Variants in CORT observed in about 807,000 individuals in gnomAD.
CORT encodes cortistatin-14.
Under a neutral mutation model 4.4 loss-of-function variants are expected in CORT, and 2 were observed. The ratio of observed to expected loss-of-function variants is 0.46; its 90% confidence interval spans 0.19 to 1.44. The LOEUF is 1.44. CORT is among the 40% of genes most tolerant of loss of function. The probability of loss-of-function intolerance (pLI) is 0.26; values close to 1 mark genes in which losing one functional copy is unlikely to be tolerated. For synonymous variants in CORT, 72 were observed against 62.0 expected (o/e 1.16, Z -0.75); for missense variants, 158 against 140.2 (o/e 1.13, Z -0.64).
In CORT at chr1:10,450,186, G is replaced by T; in HGVS notation, c.-38G>T. The T allele has an allele frequency of 6.2e-7, 1 of 1,611,316 alleles. No individual in the cohort carries two copies. Among genetic ancestry groups the T allele is most frequent in the Non-Finnish European group, 8.5e-7 (1 of 1,178,844 alleles). ...TCAGGGCTGCCAGGAAGGAAGAGCA[G>T]CAGCAGGGTGGGAGAGAAGCTCCAG... On this transcript the variant is annotated 5_prime_UTR_variant, in exon 1 of 2. Coordinates refer to ENST00000377049, the MANE Select transcript of CORT (RefSeq NM_001302.5).
At position 10,450,328 on chromosome 1, in the gene CORT, TAC is replaced by T. The variant is rs1379459744; in HGVS notation, c.99+8_99+9del. The T allele has an allele frequency of 4.7e-6, 7 of 1,499,704 alleles. No individual in the cohort carries two copies. Among genetic ancestry groups the T allele is most frequent in the Non-Finnish European group, 5.3e-6 (6 of 1,124,682 alleles). 92.9% of individuals were successfully genotyped at this position (1,499,704 alleles called of 1,614,324 possible). On this transcript the variant is annotated splice_region_variant and intron_variant, in intron 1 of 1. Coordinates refer to ENST00000377049, the MANE Select transcript of CORT (RefSeq NM_001302.5). ...CCACCGGCCGAGACAGCGAGGTGAGTACAGTCCCGACGTGGCCACACGCTAGC... is the reference window on the plus strand; with the variant it reads ...CCACCGGCCGAGACAGCGAGGTGAGTAGTCCCGACGTGGCCACACGCTAGC...
At chr1:10,450,427 C>G in intron 1 of CORT, 105 bp downstream of exon 1, 1 of 1,216,628 alleles carries the variant, frequency 8.2e-7, no homozygotes, top group Non-Finnish European at 1.1e-6. Context: ...CACTTCACAG[C>G]TTGGACAGGA....
At position 10,451,552 on chromosome 1, in the gene CORT, C is replaced by T. The variant is rs773198534; in HGVS notation, c.275C>T (p.Pro92Leu). 4 of 1,613,752 alleles carry T rather than the reference C, an allele frequency of 2.5e-6. No homozygotes were observed. The South Asian group carries it at 3.3e-5, about 13-fold the overall frequency. ...CAATCTGCGCGCCGGGACAGAATGC[C>T]CTGCAGGAACTTCTTCTGGAAGACC... ...PQQSARRDRM[P>L]CRNFFWKTFS... Residue 92 changes from proline (P) to leucine (L), a missense_variant, in exon 2 of 2, where the codon CCC (proline) becomes CTC (leucine). Physicochemically the swap from Pro to Leu is moderately conservative, Grantham distance 98 (BLOSUM62 -3). Transcript: ENST00000377049.
Position 10,451,753 on chromosome 1 carries a change from G to T in CORT, c.*158G>T. The T allele has an allele frequency of 8.1e-7, 1 of 1,233,330 alleles. No homozygotes were observed. The highest frequency in any genetic ancestry group is 1.1e-6 in the Non-Finnish European group (1 of 928,074). 76.4% of individuals were successfully genotyped at this position (1,233,330 alleles called of 1,614,324 possible). On this transcript the variant is annotated 3_prime_UTR_variant, in exon 2 of 2. Coordinates refer to ENST00000377049, the MANE Select transcript of CORT (RefSeq NM_001302.5). Reference sequence around the variant, plus strand: ...AATACTGACGTGTCTTGAGTAATTTGGAACCCAAAGTGAAGATCTTTGATA... The same window carrying T: ...AATACTGACGTGTCTTGAGTAATTTTGAACCCAAAGTGAAGATCTTTGATA...
chr1:10,451,117 A>G (rs1349554277), intron 1 of CORT, among the ~76,000 whole-genome samples: 1 of 152,208 alleles, frequency 6.6e-6, no homozygotes, highest in East Asian at 1.9e-4. Context: ...CCTTGACTTA[A>G]AATGACCAAC....
Position 10,450,074 on chromosome 1 carries a change from A to G in CORT, c.-150A>G. The G allele has an allele frequency of 1.9e-6, 3 of 1,582,710 alleles. No individual in the cohort carries two copies. The highest frequency in any genetic ancestry group is 2.6e-6 in the Non-Finnish European group (3 of 1,163,796). The stretch of plus-strand genomic sequence containing the variant: ...AGGGAAGAGGATCCAGGCGTTAGAC[A>G]TGTATAGACACAAAAACAGCTGGAG... On this transcript the variant is annotated 5_prime_UTR_variant, in exon 1 of 2. It removes an upstream start codon present in the reference 5' UTR. Coordinates refer to ENST00000377049, the MANE Select transcript of CORT (RefSeq NM_001302.5).
Position 10,450,262 on chromosome 1 carries a change from C to T in CORT, c.39C>T (p.Ser13=), listed in dbSNP as rs780211807. 21 of 1,568,214 alleles carry T rather than the reference C, an allele frequency of 1.3e-5. No homozygotes were observed. The highest frequency in any genetic ancestry group is 1.7e-4 in the Middle Eastern group (1 of 5,880). The change falls in exon 1 of 2, where the codon TCC becomes TCT. Residue 13 remains serine, a synonymous_variant. Transcript: ENST00000377049. The part of the protein sequence containing the change: ...LSPGLLLLLL[S]GATATAALPL... Reference sequence around the variant, plus strand: ...CCGGCCTCCTGCTGCTGCTGCTCTCCGGGGCCACGGCCACCGCTGCCCTGC... The same window carrying T: ...CCGGCCTCCTGCTGCTGCTGCTCTCTGGGGCCACGGCCACCGCTGCCCTGC...
Position 10,450,105 on chromosome 1 carries a change from G to A in CORT, c.-119G>A. ...AGACACAAAAACAGCTGGAGATTGG[G>A]CTTAAAATACCCACCAAGCTCCAAA... On this transcript the variant is annotated 5_prime_UTR_variant, in exon 1 of 2. Transcript: ENST00000377049. The A allele has an allele frequency of 1.2e-6, 2 of 1,605,490 alleles. No individual in the cohort carries two copies. Among genetic ancestry groups the A allele is most frequent in the Admixed American group, 1.7e-5 (1 of 58,738 alleles).
Position 10,451,472 on chromosome 1 carries a change from C to T in CORT, c.195C>T (p.Leu65=). Residue 65 remains leucine, a synonymous_variant, in exon 2 of 2, where the codon CTC becomes CTT. Transcript: ENST00000377049. ...CCTCCCAGGCCAGTGCCGGGCCCCTCATAGGAGAGGAAGCCCGGGAGGTGG... is the reference window on the plus strand; with the variant it reads ...CCTCCCAGGCCAGTGCCGGGCCCCTTATAGGAGAGGAAGCCCGGGAGGTGG... ...EWTSQASAGP[L]IGEEAREVAR... is the part of the protein sequence containing the mutation. The T allele has an allele frequency of 6.2e-7, 1 of 1,614,182 alleles. No homozygotes were observed.
In CORT at chr1:10,451,405, A is replaced by C; in HGVS notation, c.128A>C (p.Lys43Thr). The change falls in exon 2 of 2, where the codon AAA (lysine) becomes ACA (threonine). Residue 43 changes from lysine to threonine, a missense_variant. Coordinates refer to ENST00000377049, the MANE Select transcript of CORT (RefSeq NM_001302.5). ...ATGCAGGAAGCGGCAGGAATAAGGAAAAGCAGCCTCCTGACTTTCCTCGCT... is the reference window on the plus strand; with the variant it reads ...ATGCAGGAAGCGGCAGGAATAAGGACAAGCAGCCTCCTGACTTTCCTCGCT... The part of the protein sequence containing the change: ...EHMQEAAGIR[K>T]SSLLTFLAWW... 2 of 1,612,806 alleles carry C rather than the reference A, an allele frequency of 1.2e-6. No homozygotes were observed. The highest frequency in any genetic ancestry group is 1.7e-6 in the Non-Finnish European group (2 of 1,179,262).
At chr1:10,451,260 A>C in intron 1 of CORT, 117 bp from the exon 2 acceptor site, 2 of 1,251,616 alleles carry the variant, frequency 1.6e-6, no homozygotes, top group Non-Finnish European at 2.1e-6. Context: ...TCTCCAGGGT[A>C]GTCTTTTAGA....
In CORT at chr1:10,451,608, G is replaced by A. The variant is rs751029582; in HGVS notation, c.*13G>A. 1 of 1,606,636 alleles carries A rather than the reference G, an allele frequency of 6.2e-7. No homozygotes were observed. On this transcript the variant is annotated 3_prime_UTR_variant, in exon 2 of 2. Transcript: ENST00000377049. ...CTCCTGCAAATAAAACCTCACCCAT[G>A]AATGCTCACGCAAGTGTAATGACAG...
intron 1 of CORT, 104 bp downstream of exon 1, chr1:10,450,426 G>T (rs1014866459): frequency 7.4e-6 from 9 of 1,219,222 alleles, no homozygotes; most frequent in Non-Finnish European, 9.5e-6. Flanking sequence ...GCACTTCACA[G>T]CTTGGACAGG....
In CORT at chr1:10,451,704, G is replaced by A; in HGVS notation, c.*109G>A. On this transcript the variant is annotated 3_prime_UTR_variant, in exon 2 of 2. Transcript: ENST00000377049. ...TTCCCAAGTCATTTGAAAAGTGTTT[G>A]TTATTTAAATTCCAATAATGCCCAA... The A allele has an allele frequency of 7.0e-7, 1 of 1,429,978 alleles. No individual in the cohort carries two copies. The highest frequency in any genetic ancestry group is 9.2e-7 in the Non-Finnish European group (1 of 1,084,440). The allele number at this position is 1,429,978 out of a possible 1,614,324, so 88.6% of individuals were successfully genotyped here. A position where few individuals can be genotyped will look rare whatever the true frequency, so the allele number is the denominator to read the frequency against.
chr1:10,451,756 A>G lies in CORT; in HGVS notation c.*161A>G. On this transcript the variant is annotated 3_prime_UTR_variant, in exon 2 of 2. Coordinates refer to ENST00000377049, the MANE Select transcript of CORT (RefSeq NM_001302.5). ...ACTGACGTGTCTTGAGTAATTTGGAACCCAAAGTGAAGATCTTTGATAAAG... is the reference window on the plus strand; with the variant it reads ...ACTGACGTGTCTTGAGTAATTTGGAGCCCAAAGTGAAGATCTTTGATAAAG... The G allele has an allele frequency of 8.2e-7, 1 of 1,216,192 alleles. No homozygotes were observed. The highest frequency in any genetic ancestry group is 1.1e-6 in the Non-Finnish European group (1 of 914,004). The allele number at this position is 1,216,192 out of a possible 1,614,324, so 75.3% of individuals were successfully genotyped here.
rs764155114 is a variant in CORT at position 10,451,534 on chromosome 1, C to T, written c.257C>T (p.Ala86Val). The T allele has an allele frequency of 4.3e-6, 7 of 1,613,816 alleles. No homozygotes were observed. Among genetic ancestry groups the T allele is most frequent in the Admixed American group, 1.7e-5 (1 of 59,972 alleles). The change falls in exon 2 of 2, where the codon GCG becomes GTG. Residue 86 changes from alanine to valine, a missense_variant. Transcript: ENST00000377049. ...GAAGGCGCACCCCCCCAGCAATCTG[C>T]GCGCCGGGACAGAATGCCCTGCAGG... The part of the protein sequence containing the change: ...RQEGAPPQQS[A>V]RRDRMPCRNF...
In CORT at chr1:10,450,236, C is replaced by G. The variant is rs754487841; in HGVS notation, c.13C>G (p.Pro5Ala). 2 of 1,589,266 alleles carry G rather than the reference C, an allele frequency of 1.3e-6. No homozygotes were observed. Among genetic ancestry groups the G allele is most frequent in the Non-Finnish European group, 1.7e-6 (2 of 1,167,524 alleles). Reference sequence around the variant, plus strand: ...GTCAGCCCACAAGATGCCATTGTCCCCCGGCCTCCTGCTGCTGCTGCTCTC... The same window carrying G: ...GTCAGCCCACAAGATGCCATTGTCCGCCGGCCTCCTGCTGCTGCTGCTCTC... MPLS[P>A]GLLLLLLSGA... Residue 5 changes from proline to alanine, a missense_variant, in exon 1 of 2, where the codon CCC (proline) becomes GCC (alanine). By Grantham distance (27) the Pro-to-Ala change is conservative. Coordinates refer to ENST00000377049, the MANE Select transcript of CORT (RefSeq NM_001302.5).
rs1291120593 is a variant in CORT at position 10,450,284 on chromosome 1, C to G, written c.61C>G (p.Leu21Val). The G allele has an allele frequency of 3.2e-6, 5 of 1,543,926 alleles. No individual in the cohort carries two copies. The highest frequency in any genetic ancestry group is 4.4e-6 in the Non-Finnish European group (5 of 1,145,192). The part of the protein sequence containing the change: ...LLSGATATAA[L>V]PLEGGPTGRD... ...CTCCGGGGCCACGGCCACCGCTGCC[C>G]TGCCCCTGGAGGGTGGCCCCACCGG... Residue 21 changes from leucine to valine, a missense_variant, in exon 1 of 2, where the codon CTG (leucine) becomes GTG (valine). Coordinates refer to ENST00000377049, the MANE Select transcript of CORT (RefSeq NM_001302.5).
intron 1 of CORT, among the ~76,000 whole-genome samples, chr1:10,450,992 G>T (rs890219557): frequency 2.0e-5 from 3 of 152,142 alleles, no homozygotes; most frequent in Non-Finnish European, 2.9e-5. Flanking sequence ...GAGTAAATTA[G>T]CCTGATCCAA....
Sources: allele counts gnomAD v4.1 joint callset (sites outside exome capture counted in the v4.1 genomes callset), GRCh38; gene constraint gnomAD v4.1.1; transcripts MANE v1.5; gene names NCBI Gene and HGNC (gene_info 2026-07-23, HGNC 2026-07-21).